Variants in DIAPH3 observed in about 807,000 individuals in gnomAD.
DIAPH3 encodes diaphanous related formin 3.
Under a neutral mutation model 144.3 loss-of-function variants are expected in DIAPH3, and 117 were observed. The observed-to-expected ratio is 0.81, with a 90% confidence interval of 0.70 to 0.95. DIAPH3 has a LOEUF of 0.95. Among genes scored for constraint, DIAPH3 ranks in the 40% least tolerant of loss-of-function variants. The pLI is 0.00. For synonymous variants in DIAPH3, 519 were observed against 488.9 expected (o/e 1.06, Z -0.81); for missense variants, 1,421 against 1,412.7 (o/e 1.01, Z -0.09).
intron 27 of DIAPH3, among the ~76,000 whole-genome samples, chr13:59,694,009 T>C (rs1204762531): frequency 6.6e-6 from 1 of 152,182 alleles, no homozygotes; most frequent in Non-Finnish European, 1.5e-5. Flanking sequence ...TGATCCCTAA[T>C]TGTTCTTGTG....
chr13:59,787,668 G>C (rs1190118119), intron 25 of DIAPH3, among the ~76,000 whole-genome samples: 1 of 151,880 alleles, frequency 6.6e-6, no homozygotes, highest in Non-Finnish European at 1.5e-5. Context: ...TTAAAATAAA[G>C]AATGCTTGTA....
At chr13:59,896,453 C>A (rs1024140529) in intron 20 of DIAPH3, among the ~76,000 whole-genome samples, 3 of 152,042 alleles carry the variant, frequency 2.0e-5, no homozygotes, top group Non-Finnish European at 4.4e-5. Flanking sequence ...GTTAATCAGA[C>A]TAAAGGAATG....
At position 60,163,642 on chromosome 13, in the gene DIAPH3, T is replaced by C; in HGVS notation, c.125A>G (p.Gln42Arg). Reference protein sequence around the residue: ...ESKMPRRKGPQHPPPPSGPEE... With the variant: ...ESKMPRRKGPRHPPPPSGPEE... ...GGGGCCACTGGGCGGCGGAGGGTGT[T>C]GGGGGCCCTTCCTGCGCGGCATCTT... Residue 42 changes from glutamine (Q) to arginine (R), a missense_variant, in exon 1 of 28, where the codon CAA becomes CGA. Coordinates refer to ENST00000400324, the MANE Select transcript of DIAPH3 (RefSeq NM_001042517.2). The C allele has an allele frequency of 6.2e-7, 1 of 1,608,082 alleles. No individual in the cohort carries two copies. Among genetic ancestry groups the C allele is most frequent in the Non-Finnish European group, 8.5e-7 (1 of 1,175,810 alleles).
At chr13:60,119,513 C>A (rs538523022) in intron 2 of DIAPH3, among the ~76,000 whole-genome samples, 20 of 151,712 alleles carry the variant, frequency 1.3e-4, no homozygotes, top group Non-Finnish European at 4.4e-5. Flanking sequence ...TTTGGGAGGC[C>A]GAGGCGGGTG....
chr13:59,670,739 C>G (rs533618551), intron 27 of DIAPH3, among the ~76,000 whole-genome samples: 33 of 152,176 alleles, frequency 2.2e-4, no homozygotes, highest in Middle Eastern at 3.4e-3. Flanking sequence ...CCCGCCACCA[C>G]GCCCGGCTAA....
At chr13:59,977,836 G>A (rs1230274124) in intron 14 of DIAPH3, among the ~76,000 whole-genome samples, 3 of 151,772 alleles carry the variant, frequency 2.0e-5, no homozygotes, top group Non-Finnish European at 2.9e-5. Flanking sequence ...AAAATGCAGG[G>A]GGAAAAGATA....
intron 22 of DIAPH3, among the ~76,000 whole-genome samples, chr13:59,847,496 G>C (rs928436036): frequency 2.0e-4 from 31 of 152,170 alleles, no homozygotes; most frequent in Admixed American, 1.9e-3. Context: ...AAGAGAAAGT[G>C]TATTAGTGGG....
chr13:59,973,362 C>T (rs753826448), intron 15 of DIAPH3, among the ~76,000 whole-genome samples: 1 of 151,840 alleles, frequency 6.6e-6, no homozygotes, highest in Non-Finnish European at 1.5e-5. Context: ...GTAACTCAGT[C>T]TGAAGTACAG....
chr13:59,666,423 G>T lies in DIAPH3; in HGVS notation c.*161C>A. Reference sequence around the variant, plus strand: ...AATAAACCAAAACCTCCAGTACATAGAAAAAGCATTGCAATCATATATTTA... The same window carrying T: ...AATAAACCAAAACCTCCAGTACATATAAAAAGCATTGCAATCATATATTTA... On this transcript the variant is annotated 3_prime_UTR_variant, in exon 28 of 28. Transcript: ENST00000400324. The T allele has an allele frequency of 4.0e-5, 32 of 800,166 alleles. No individual in the cohort carries two copies. The highest frequency in any genetic ancestry group is 5.4e-5 in the Non-Finnish European group (29 of 537,654). The allele number at this position is 800,166 out of a possible 1,614,324, so 49.6% of individuals were successfully genotyped here.
At chr13:59,800,014 A>T (rs985061419) in intron 25 of DIAPH3, among the ~76,000 whole-genome samples, 2 of 75,534 alleles carry the variant, frequency 2.6e-5, no homozygotes. Context: ...TACTTCAAAA[A>T]GACTTCTTTT....
chr13:59,953,194 G>C (rs1427409594), intron 17 of DIAPH3, among the ~76,000 whole-genome samples: 1 of 152,120 alleles, frequency 6.6e-6, no homozygotes, highest in Non-Finnish European at 1.5e-5. Context: ...CATATCTGGA[G>C]CATGAATGTT....
chr13:59,919,600 A>G (rs1953680565), intron 18 of DIAPH3, among the ~76,000 whole-genome samples: 1 of 152,062 alleles, frequency 6.6e-6, no homozygotes, highest in South Asian at 2.1e-4. Flanking sequence ...AGTTTCCCAG[A>G]CAAACAGAAG....
chr13:59,944,387 C>T (rs1224536361), intron 17 of DIAPH3, among the ~76,000 whole-genome samples: 1 of 152,078 alleles, frequency 6.6e-6, no homozygotes, highest in Non-Finnish European at 1.5e-5. Context: ...AGCTATTTTC[C>T]AAATATAAAT....
At chr13:59,722,706 T>G (rs2035404606) in intron 27 of DIAPH3, among the ~76,000 whole-genome samples, 1 of 152,192 alleles carries the variant, frequency 6.6e-6, no homozygotes, top group Admixed American at 6.5e-5. Flanking sequence ...GTAACAGTGG[T>G]GGCTTCCTGA....
At chr13:59,750,870 T>C (rs995419866) in intron 27 of DIAPH3, among the ~76,000 whole-genome samples, 5 of 152,226 alleles carry the variant, frequency 3.3e-5, no homozygotes, top group African/African-American at 1.2e-4. Context: ...TTAATCTCCA[T>C]GTCATCAGTA....
chr13:59,793,333 T>C (rs903463436), intron 25 of DIAPH3, among the ~76,000 whole-genome samples: 7 of 152,198 alleles, frequency 4.6e-5, no homozygotes, highest in African/African-American at 1.7e-4. Flanking sequence ...AGTCTGCATT[T>C]AAACAAATTA....
intron 27 of DIAPH3, among the ~76,000 whole-genome samples, chr13:59,739,617 GTTTAT>G (rs1398559189): frequency 6.6e-6 from 1 of 152,100 alleles, no homozygotes; most frequent in African/African-American, 2.4e-5. Context: ...TACTAAATAT[GTTTAT>G]TTTATTGATT....
At chr13:59,697,366 A>G (rs546562921) in intron 27 of DIAPH3, among the ~76,000 whole-genome samples, 2 of 145,668 alleles carry the variant, frequency 1.4e-5, no homozygotes, top group African/African-American at 5.0e-5. Flanking sequence ...AGGCTGAGGC[A>G]AGGGAATGGC....
chr13:59,798,235 T>G (rs2039715509), intron 25 of DIAPH3, among the ~76,000 whole-genome samples: 1 of 152,208 alleles, frequency 6.6e-6, no homozygotes, highest in African/African-American at 2.4e-5. Flanking sequence ...TCATTCCTCC[T>G]AGTCCCAACA....
Sources: gnomAD v4.1 joint callset for allele counts (sites outside exome capture counted in the v4.1 genomes callset) on GRCh38, gnomAD v4.1.1 for gene constraint, MANE v1.5 for transcripts, NCBI Gene and HGNC (gene_info 2026-07-23, HGNC 2026-07-21) for gene names.